NEK5: variants seen among roughly 807,000 people sequenced by gnomAD.
The protein encoded by NEK5 is serine/threonine-protein kinase Nek5.
Under a neutral mutation model 109.2 loss-of-function variants are expected in NEK5, and 88 were observed. That is an observed-to-expected ratio of 0.81 (90% CI 0.68 to 0.96). The LOEUF (loss-of-function observed/expected upper bound fraction) is 0.96. Ranked by LOEUF, NEK5 falls within the 40% of genes least tolerant of loss-of-function variation. The probability of loss-of-function intolerance (pLI) is 0.00; values close to 1 mark genes in which losing one functional copy is unlikely to be tolerated. For synonymous variants in NEK5, 283 were observed against 299.9 expected (o/e 0.94, Z 0.58); for missense variants, 834 against 920.7 (o/e 0.91, Z 1.22).
chr13:52,083,896 A>G (rs1378098972), intron 16 of NEK5, among the ~76,000 whole-genome samples: 12 of 152,068 alleles, frequency 7.9e-5, no homozygotes, highest in Non-Finnish European at 1.5e-4. Context: ...CCTTAGACAT[A>G]AGGCTGATGA....
intron 20 of NEK5, among the ~76,000 whole-genome samples, chr13:52,069,035 G>A (rs1431809939): frequency 1.3e-5 from 2 of 151,514 alleles, no homozygotes; most frequent in Non-Finnish European, 2.9e-5. Context: ...ACAAACATAC[G>A]GAAAAATCCT....
intron 17 of NEK5, among the ~76,000 whole-genome samples, chr13:52,080,839 T>C (rs1373465378): frequency 5.3e-5 from 8 of 149,734 alleles, no homozygotes; most frequent in East Asian, 2.0e-4. Flanking sequence ...ACTGTTGTCC[T>C]ATGACCCTGC....
chr13:52,065,462 C>A (rs369306336), intron 21 of NEK5, 22 bp downstream of exon 21: 23 of 1,614,082 alleles, frequency 1.4e-5, no homozygotes, highest in Non-Finnish European at 1.9e-5. Context: ...TTCCTGACGA[C>A]TGACGCTAAG....
intron 19 of NEK5, 49 bp from the exon 20 acceptor site, chr13:52,072,119 G>GA: frequency 6.6e-7 from 1 of 1,506,382 alleles, no homozygotes; most frequent in Non-Finnish European, 9.1e-7. Context: ...TATTTTGAAA[G>GA]AAAGAAAAAC....
chr13:52,074,804 G>C (rs1402984650), intron 19 of NEK5, among the ~76,000 whole-genome samples: 1 of 152,050 alleles, frequency 6.6e-6, no homozygotes, highest in East Asian at 1.9e-4. Context: ...AAATTTTAAA[G>C]TGGACAAAAG....
chr13:52,058,825 C>T (rs61958810), intron 22 of NEK5, among the ~76,000 whole-genome samples: 5,476 of 152,156 alleles, frequency 0.036, 130 homozygotes, highest in South Asian at 0.09. Context: ...AAGACTTAAA[C>T]GTTAGACCTA....
chr13:52,059,920 A>C (rs1954596548), intron 22 of NEK5, among the ~76,000 whole-genome samples: 1 of 152,090 alleles, frequency 6.6e-6, no homozygotes, highest in Non-Finnish European at 1.5e-5. Context: ...TAACCTGCAC[A>C]TTGTGCACAT....
At chr13:52,071,695 T>C (rs530042137) in intron 20 of NEK5, among the ~76,000 whole-genome samples, 8 of 152,288 alleles carry the variant, frequency 5.3e-5, no homozygotes, top group African/African-American at 1.7e-4. Flanking sequence ...CTGGTAAGTC[T>C]GGAGCTCCTG....
Position 52,101,998 on chromosome 13 carries a change from A to C in NEK5, c.827T>G (p.Phe276Cys), listed in dbSNP as rs1433266962. The C allele has an allele frequency of 6.2e-7, 1 of 1,614,130 alleles. No individual in the cohort carries two copies. Among genetic ancestry groups the C allele is most frequent in the Non-Finnish European group, 8.5e-7 (1 of 1,180,004 alleles). ...TGCTCTGCATATAAGCATGTGACTG[A>C]ATTCTTCCTGAATGACCTAAAACCG... ...YLTPEVIQEE[F>C]SHMLICRAGA... Residue 276 changes from phenylalanine to cysteine, a missense_variant, in exon 11 of 24, where the codon TTC becomes TGC. Phe to Cys is a radical substitution (Grantham distance 205, BLOSUM62 -2). Around this residue, in one of 2 missense-constraint regions of NEK5, gnomAD observed 777 missense variants for 824.7 expected, o/e 0.94. Transcript: ENST00000684899.
chr13:52,086,511 G>A (rs1394432501), intron 15 of NEK5, 148 bp from the exon 16 acceptor site: 2 of 634,854 alleles, frequency 3.2e-6, no homozygotes, highest in African/African-American at 3.7e-5. Context: ...TCTGCCTTAT[G>A]TTTTGGCTGC....
chr13:52,115,601 C>CAAAAAAAA (rs71088014), intron 4 of NEK5, among the ~76,000 whole-genome samples: 1 of 49,188 alleles, frequency 2.0e-5, no homozygotes. Context: ...GAGACTCCGT[C>CAAAAAAAA]AAAAAAAAAA....
intron 17 of NEK5, among the ~76,000 whole-genome samples, chr13:52,080,989 A>G: frequency 2.0e-5 from 1 of 50,724 alleles, no homozygotes; most frequent in African/African-American, 3.8e-5. Context: ...TATGTCATTT[A>G]AAAAAAAAAA....
intron 23 of NEK5, among the ~76,000 whole-genome samples, chr13:52,037,864 A>G: frequency 6.6e-6 from 1 of 151,910 alleles, no homozygotes; most frequent in Non-Finnish European, 1.5e-5. Flanking sequence ...CGGAGCTTGC[A>G]GTGAGCCGAG....
intron 19 of NEK5, among the ~76,000 whole-genome samples, chr13:52,073,391 C>T (rs1438208030): frequency 2.0e-5 from 3 of 151,598 alleles, no homozygotes; most frequent in Non-Finnish European, 4.4e-5. Flanking sequence ...TCTCAGCTCA[C>T]TGCAACCTCT....
intron 21 of NEK5, among the ~76,000 whole-genome samples, chr13:52,064,257 C>T (rs1954648261): frequency 2.1e-5 from 3 of 142,782 alleles, no homozygotes; most frequent in African/African-American, 5.2e-5. Context: ...AGCCAGCCGC[C>T]CCGTCCGGGA....
chr13:52,051,647 G>A (rs1954506982), intron 22 of NEK5, among the ~76,000 whole-genome samples: 1 of 152,212 alleles, frequency 6.6e-6, no homozygotes, highest in Admixed American at 6.5e-5. Context: ...GTGGCTGACA[G>A]CGGCTGCGGT....
At chr13:52,102,364 A>C in intron 9 of NEK5, 72 bp from the exon 10 acceptor site, 1 of 1,148,860 alleles carries the variant, frequency 8.7e-7, no homozygotes, top group Non-Finnish European at 1.3e-6. Flanking sequence ...AAAGTGTTAA[A>C]GTAACAAATA....
chr13:52,092,239 CTT>C (rs1050262569), intron 13 of NEK5, among the ~76,000 whole-genome samples: 3 of 152,134 alleles, frequency 2.0e-5, no homozygotes, highest in Admixed American at 6.6e-5. Flanking sequence ...AATTACAAGA[CTT>C]TGTTACTTCT....
intron 17 of NEK5, among the ~76,000 whole-genome samples, chr13:52,081,469 G>A (rs574653663): frequency 1.4e-4 from 21 of 152,128 alleles, no homozygotes; most frequent in East Asian, 1.4e-3. Context: ...CTATAGTCTC[G>A]TGCCACCATT....
Sources: gnomAD v4.1 joint callset for allele counts (sites outside exome capture counted in the v4.1 genomes callset) on GRCh38, gnomAD v4.1.1 for gene constraint, gnomAD v4.1.1 regional missense constraint, MANE v1.5 for transcripts, NCBI Gene and HGNC (gene_info 2026-07-23, HGNC 2026-07-21) for gene names.